The following ARSF variants were observed in gnomAD, a reference collection of about 807,000 sequenced individuals.
ARSF encodes arylsulfatase F.
ARSF carries 33 observed loss-of-function variants against 35.4 expected under a neutral mutation model. The ratio of observed to expected loss-of-function variants is 0.93; its 90% CI spans 0.71 to 1.25. The LOEUF is 1.25. ARSF is among the 50% of genes most tolerant of loss of function. The probability of loss-of-function intolerance (pLI) is 0.00; values close to 1 mark genes in which losing one functional copy is unlikely to be tolerated. For synonymous variants in ARSF, 222 were observed against 193.1 expected (o/e 1.15, Z -1.24); for missense variants, 501 against 480.2 (o/e 1.04, Z -0.40).
At chrX:3,064,401 T>G (rs1412675690) in intron 1 of ARSF, among the ~76,000 whole-genome samples, 44 of 111,524 alleles carry the variant, frequency 3.9e-4, no homozygotes, top group Non-Finnish European at 4.5e-4. Flanking sequence ...GGCAAGGACT[T>G]CATGACTAAA....
intron 1 of ARSF, among the ~76,000 whole-genome samples, chrX:3,061,273 G>A (rs1475910012): frequency 9.0e-6 from 1 of 111,239 alleles, no homozygotes; most frequent in Non-Finnish European, 1.9e-5. Flanking sequence ...GTCACCACCA[G>A]GCCTGCCCTA....
intron 1 of ARSF, among the ~76,000 whole-genome samples, chrX:3,046,510 C>T (rs1187541905): frequency 8.9e-6 from 1 of 111,962 alleles, no homozygotes; most frequent in Non-Finnish European, 1.9e-5. Context: ...CACTAAAGGT[C>T]AAAGCCACCA....
intron 4 of ARSF, 27 bp downstream of exon 4, chrX:3,076,696 G>C (rs756339603): frequency 3.6e-5 from 43 of 1,200,001 alleles, no homozygotes; most frequent in Non-Finnish European, 6.7e-6. Context: ...GCTCTGCTGG[G>C]CTCTGCCCTC....
intron 1 of ARSF, among the ~76,000 whole-genome samples, chrX:3,047,337 C>T (rs1313916007): frequency 9.1e-6 from 1 of 110,358 alleles, no homozygotes; most frequent in Non-Finnish European, 1.9e-5. Flanking sequence ...CGCCACCATG[C>T]CCGGCTAATT....
intron 1 of ARSF, among the ~76,000 whole-genome samples, chrX:3,065,725 T>A (rs1231532478): frequency 1.8e-5 from 2 of 110,746 alleles, no homozygotes; most frequent in Non-Finnish European, 3.8e-5. Flanking sequence ...ATTATTTTGG[T>A]GTTTTTAGAC....
In ARSF at chrX:3,063,642, G is replaced by A. The variant is rs754176752; in HGVS notation, c.-28-4431G>A. Among the ~76,000 whole-genome samples the A allele has an allele frequency of 2.7e-5, 3 of 111,683 alleles. No individual in the cohort carries two copies. In the South Asian group the frequency reaches 1.1e-3, roughly 42 times the overall value. On this transcript the variant is annotated intron_variant, in intron 1 of 10. Coordinates refer to ENST00000381127, the MANE Select transcript of ARSF (RefSeq NM_001201539.2). The stretch of plus-strand genomic sequence containing the variant: ...CAAAATCAATGTGCAAAAATCACAA[G>A]CATTCCTGTACACCAATAACAGACA...
intron 1 of ARSF, among the ~76,000 whole-genome samples, chrX:3,060,749 A>G (rs2090038468): frequency 9.0e-6 from 1 of 111,537 alleles, no homozygotes; most frequent in African/African-American, 3.3e-5. Context: ...TAAAGTGATA[A>G]GAGAAGTTTA....
In ARSF at chrX:3,096,221, A is replaced by C. The variant is rs951625094; in HGVS notation, c.968-4866A>C. Among the ~76,000 whole-genome samples, 6 of 110,218 alleles carry C rather than the reference A, an allele frequency of 5.4e-5. No individual in the cohort carries two copies. In the East Asian group the frequency reaches 1.4e-3, roughly 26 times the overall value. ...TTTCTCTGTTGGGTATATGCACCAAAATTAAGACCTTTTCTTTTTGTTAAA... is the reference window on the plus strand; with the variant it reads ...TTTCTCTGTTGGGTATATGCACCAACATTAAGACCTTTTCTTTTTGTTAAA... On this transcript the variant is annotated intron_variant, in intron 7 of 10. Coordinates refer to ENST00000381127, the MANE Select transcript of ARSF (RefSeq NM_001201539.2).
At position 3,103,826 on chromosome X, in the gene ARSF, A is replaced by T; in HGVS notation, c.1167A>T (p.Gly389=). The T allele has an allele frequency of 8.3e-7, 1 of 1,211,811 alleles. No individual in the cohort carries two copies. The highest frequency in any genetic ancestry group is 1.1e-6 in the Non-Finnish European group (1 of 895,393). Residue 389 remains glycine, a synonymous_variant, in exon 9 of 11, where the codon GGA becomes GGT. Transcript: ENST00000381127. The part of the protein sequence containing the change: ...IRVPGIVRWP[G]KVPAGRLIKE... The stretch of plus-strand genomic sequence containing the variant: ...TCCCAGGAATTGTCCGATGGCCTGG[A>T]AAGGTACCAGCTGGACGGTTGATTA...
intron 3 of ARSF, among the ~76,000 whole-genome samples, chrX:3,075,739 CTGAT>C (rs1257900185): frequency 6.5e-5 from 7 of 107,744 alleles, no homozygotes; most frequent in African/African-American, 2.4e-4. Context: ...CTATGTCTCT[CTGAT>C]TGTCTGTCTC....
rs1393638100 is a variant in ARSF, at chrX:3,080,922, C to G, written c.315C>G (p.Ile105Met). Reference sequence around the variant, plus strand: ...TTTCTAGTGGTAATAGACGTGTCATCCAAAATCTTGCAGTCCCCGCAGGCC... The same window carrying G: ...TTTCTAGTGGTAATAGACGTGTCATGCAAAATCTTGCAGTCCCCGCAGGCC... ...GMVSSGNRRV[I>M]QNLAVPAGLP... Residue 105 changes from isoleucine (I) to methionine (M), a missense_variant, in exon 5 of 11, where the codon ATC (isoleucine) becomes ATG (methionine). Ile to Met is a conservative substitution (Grantham distance 10, BLOSUM62 1). Transcript: ENST00000381127. The G allele has an allele frequency of 8.3e-7, 1 of 1,211,636 alleles. No individual in the cohort carries two copies. The highest frequency in any genetic ancestry group is 2.2e-5 in the Admixed American group (1 of 46,041).
Position 3,072,169 on chromosome X carries a change from C to T in ARSF, c.155C>T (p.Thr52Ile), listed in dbSNP as rs2090109955. 2.5e-6 allele frequency: 3 copies of T among 1,208,247 alleles called. No individual in the cohort carries two copies. The highest frequency in any genetic ancestry group is 3.4e-6 in the Non-Finnish European group (3 of 894,064). ...IGDLGCYGND[T>I]MRTPHIDRLA... ...GATCTGGGCTGCTACGGCAATGACA[C>T]CATGAGGTAAGGCGGTTTCATGGCC... is the stretch of plus-strand genomic sequence containing the variant. The change falls in exon 3 of 11, where the codon ACC becomes ATC. Residue 52 changes from threonine (T) to isoleucine (I), a missense_variant. Physicochemically the swap from Thr to Ile is moderately conservative, Grantham distance 89. Coordinates refer to ENST00000381127, the MANE Select transcript of ARSF (RefSeq NM_001201539.2).
At chrX:3,071,175 C>T (rs1336169867) in intron 2 of ARSF, among the ~76,000 whole-genome samples, 1 of 111,527 alleles carries the variant, frequency 9.0e-6, no homozygotes, top group Non-Finnish European at 1.9e-5. Flanking sequence ...CTATAGCTAT[C>T]TATCTCTATA....
At chrX:3,041,074 G>A (rs1170585954), upstream of ARSF, among the ~76,000 whole-genome samples, 1 of 110,541 alleles carries the variant, frequency 9.0e-6, no homozygotes, top group Non-Finnish European at 1.9e-5. Context: ...TGTGTAAGCG[G>A]GAAAAGCTTG....
intron 6 of ARSF, among the ~76,000 whole-genome samples, chrX:3,088,472 C>A (rs1305430171): frequency 1.8e-5 from 2 of 111,595 alleles, no homozygotes; most frequent in African/African-American, 6.5e-5. Context: ...CAGTAACATA[C>A]CAATACACTG....
At chrX:3,055,750 CAG>C (rs2090015477) in intron 1 of ARSF, among the ~76,000 whole-genome samples, 1 of 111,126 alleles carries the variant, frequency 9.0e-6, no homozygotes. Flanking sequence ...CGTTGAATCT[CAG>C]TGTTTCTGCA....
At chrX:3,076,809 C>A in intron 4 of ARSF, 140 bp downstream of exon 4, 1 of 897,989 alleles carries the variant, frequency 1.1e-6, no homozygotes, top group Non-Finnish European at 1.5e-6. Flanking sequence ...CTTCGGGAGG[C>A]CAAGGTGGGA....
intron 7 of ARSF, among the ~76,000 whole-genome samples, chrX:3,090,801 A>G (rs2090283736): frequency 8.9e-6 from 1 of 112,012 alleles, no homozygotes. Flanking sequence ...GTAATATTCC[A>G]TGGTGTATAC....
chrX:3,061,249 T>C (rs1325292826), intron 1 of ARSF, among the ~76,000 whole-genome samples: 2 of 111,103 alleles, frequency 1.8e-5, no homozygotes, highest in Non-Finnish European at 1.9e-5. Context: ...GACAAGCAAA[T>C]GCTGAGAGAT....
Sources: allele counts gnomAD v4.1 joint callset (sites outside exome capture counted in the v4.1 genomes callset), GRCh38; gene constraint gnomAD v4.1.1; transcripts MANE v1.5; gene names NCBI Gene and HGNC (gene_info 2026-07-23, HGNC 2026-07-21).